Variants in MGLL observed in about 807,000 individuals in gnomAD.
The protein encoded by MGLL is monoglyceride lipase, also known as lysophospholipase homolog.
A neutral mutation model predicts 29.1 loss-of-function variants in MGLL; 7 were observed. That is an observed-to-expected ratio of 0.24 (90% CI 0.14 to 0.45). MGLL has a LOEUF of 0.45. Among genes scored for constraint, MGLL ranks in the 20% least tolerant of loss-of-function variants. MGLL has a pLI of 0.99. For missense variants in MGLL, 356 were observed against 413.6 expected, an observed-to-expected ratio of 0.86 and a Z score of 1.21; for synonymous variants, 148 against 168.3, an observed-to-expected ratio of 0.88 and a Z score of 0.93.
intron 3 of MGLL, among the ~76,000 whole-genome samples, chr3:127,739,505 A>G (rs1008136083): frequency 1.4e-4 from 22 of 152,222 alleles, no homozygotes; most frequent in African/African-American, 4.6e-4. Flanking sequence ...CTGGCCTGGG[A>G]AGACCTCCAA....
At chr3:127,784,178 C>T (rs1320387773) in intron 2 of MGLL, among the ~76,000 whole-genome samples, 4 of 152,236 alleles carry the variant, frequency 2.6e-5, no homozygotes, top group African/African-American at 9.6e-5. Context: ...TGGTCTCTTA[C>T]TCTACAGCAA....
At chr3:127,703,055 G>A (rs116771503) in intron 6 of MGLL, among the ~76,000 whole-genome samples, 15 of 152,272 alleles carry the variant, frequency 9.9e-5, no homozygotes, top group East Asian at 1.9e-4. Flanking sequence ...TCGCAGCCCC[G>A]GCAAATGGGG....
At chr3:127,815,255 G>A (rs905250412) in intron 2 of MGLL, among the ~76,000 whole-genome samples, 1 of 152,198 alleles carries the variant, frequency 6.6e-6, no homozygotes, top group African/African-American at 2.4e-5. Flanking sequence ...CGCAGCTTGC[G>A]ATGATCCCAT....
chr3:127,733,943 C>T lies in MGLL; in HGVS notation c.263-11377G>A, dbSNP rs557343594. Among the ~76,000 whole-genome samples, 6 of 152,292 alleles carry T rather than the reference C, an allele frequency of 3.9e-5. 1 individual carries two copies. In the East Asian group the frequency reaches 7.7e-4, roughly 20 times the overall value. ...AGCCCAGTAAAGAGGGCAGGGCAGC[C>T]GAGCCCCTCCAGCCTGCCTCCCAAT... On this transcript the variant is annotated intron_variant, in intron 3 of 7. Transcript: ENST00000265052.
chr3:127,700,228 T>C (rs2075452499), intron 6 of MGLL, among the ~76,000 whole-genome samples: 1 of 152,208 alleles, frequency 6.6e-6, no homozygotes, highest in Admixed American at 6.5e-5. Context: ...TAACAAAAAC[T>C]GGCAAGTCTT....
intron 3 of MGLL, among the ~76,000 whole-genome samples, chr3:127,757,408 C>T (rs1360357866): frequency 6.6e-6 from 1 of 152,144 alleles, no homozygotes; most frequent in African/African-American, 2.4e-5. Context: ...AGAAACTGCC[C>T]TAGGCATATC....
At chr3:127,814,322 CG>C (rs887688236) in intron 2 of MGLL, among the ~76,000 whole-genome samples, 4 of 152,088 alleles carry the variant, frequency 2.6e-5, no homozygotes, top group Admixed American at 2.6e-4. Flanking sequence ...CGCTGACCAC[CG>C]CAGCATCCCC....
intron 3 of MGLL, among the ~76,000 whole-genome samples, chr3:127,750,828 G>A (rs1371132963): frequency 6.6e-6 from 1 of 152,228 alleles, no homozygotes; most frequent in Non-Finnish European, 1.5e-5. Context: ...GCACAGTACA[G>A]AAAGCATGAA....
At chr3:127,800,231 T>C (rs948397093) in intron 2 of MGLL, among the ~76,000 whole-genome samples, 2 of 152,200 alleles carry the variant, frequency 1.3e-5, no homozygotes, top group African/African-American at 2.4e-5. Flanking sequence ...TGGAGCCCAG[T>C]GACCCTACCA....
At chr3:127,786,473 G>A (rs889308929) in intron 2 of MGLL, among the ~76,000 whole-genome samples, 4 of 152,202 alleles carry the variant, frequency 2.6e-5, no homozygotes, top group Admixed American at 6.5e-5. Context: ...GGAGCCAGTC[G>A]TTCAGGGAGA....
chr3:127,757,556 A>G (rs752345573), intron 3 of MGLL, among the ~76,000 whole-genome samples: 11 of 152,338 alleles, frequency 7.2e-5, no homozygotes, highest in Non-Finnish European at 1.5e-4. Context: ...CTTTCAAAGA[A>G]CACTGAGATT....
chr3:127,795,724 C>T (rs376732679), intron 2 of MGLL, among the ~76,000 whole-genome samples: 64 of 152,024 alleles, frequency 4.2e-4, no homozygotes, highest in African/African-American at 1.4e-3. Flanking sequence ...AGCATGCCAC[C>T]AAATCTGCAC....
intron 5 of MGLL, among the ~76,000 whole-genome samples, chr3:127,714,606 A>T (rs2075780328): frequency 6.6e-6 from 1 of 150,492 alleles, no homozygotes; most frequent in South Asian, 2.1e-4. Flanking sequence ...GATTCTGCAG[A>T]CTTTTCCCAG....
intron 3 of MGLL, among the ~76,000 whole-genome samples, chr3:127,775,298 G>A (rs1195197397): frequency 6.6e-6 from 1 of 152,002 alleles, no homozygotes; most frequent in African/African-American, 2.4e-5. Flanking sequence ...TATTTACTAA[G>A]GCAAGAAAAA....
chr3:127,732,731 A>G (rs563735059), intron 3 of MGLL, among the ~76,000 whole-genome samples: 7 of 152,282 alleles, frequency 4.6e-5, no homozygotes, highest in African/African-American at 1.7e-4. Flanking sequence ...AGACTTCACA[A>G]ATTTCTAAGT....
rs923899642 is a variant in MGLL at position 127,816,876 on chromosome 3, G to A, written c.155+4818C>T. ...CCACTGAAAGCGGCCACAGTTCTGA[G>A]GACTTGGGCAGGTTCCAGAAACAAT... On this transcript the variant is annotated intron_variant, in intron 2 of 7. Transcript: ENST00000265052. Among the ~76,000 whole-genome samples, 6 of 152,376 alleles carry A rather than the reference G, an allele frequency of 3.9e-5. No homozygotes were observed. In the East Asian group the frequency reaches 9.6e-4, roughly 24 times the overall value.
At chr3:127,783,877 TTC>T (rs1470073843) in intron 2 of MGLL, 1 of 152,228 alleles carries the variant, frequency 6.6e-6, no homozygotes, top group Non-Finnish European at 1.5e-5. Flanking sequence ...AGTCAGCATC[TTC>T]TGTCTTCAAA....
At chr3:127,729,000 T>C (rs1242633187) in intron 3 of MGLL, among the ~76,000 whole-genome samples, 1 of 152,176 alleles carries the variant, frequency 6.6e-6, no homozygotes, top group Admixed American at 6.5e-5. Context: ...TTCATGTCTT[T>C]GCTCATTTTT....
chr3:127,822,156 A>G, intron 1 of MGLL, 153 bp downstream of exon 1: 1 of 837,054 alleles, frequency 1.2e-6, no homozygotes, highest in Non-Finnish European at 1.9e-6. Context: ...TCAAGTGGAA[A>G]TTATAGTCAG....
Sources: gnomAD v4.1 joint callset for allele counts (sites outside exome capture counted in the v4.1 genomes callset) on GRCh38, gnomAD v4.1.1 for gene constraint, MANE v1.5 for transcripts, NCBI Gene and HGNC (gene_info 2026-07-23, HGNC 2026-07-21) for gene names.